The following TRPM3 variants were observed in gnomAD, a reference collection of about 807,000 sequenced individuals.
TRPM3 encodes the protein long transient receptor potential channel 3.
Under a neutral mutation model 181.2 loss-of-function variants are expected in TRPM3, and 77 were observed. The observed-to-expected ratio is 0.42, with a 90% confidence interval of 0.35 to 0.51. TRPM3 has a LOEUF of 0.51. Ranked by LOEUF, TRPM3 falls within the 20% of genes least tolerant of loss-of-function variation. The probability of loss-of-function intolerance (pLI) is 0.01; values close to 1 mark genes in which losing one functional copy is unlikely to be tolerated. For missense variants in TRPM3, 1,759 were observed against 2,196.7 expected, an observed-to-expected ratio of 0.80 and a Z score of 3.98; for synonymous variants, 745 against 796.4, an observed-to-expected ratio of 0.94 and a Z score of 1.09.
chr9:71,239,294 C>T (rs1588094012), intron 1 of TRPM3, among the ~76,000 whole-genome samples: 1 of 152,030 alleles, frequency 6.6e-6, no homozygotes. Flanking sequence ...ATAGTTCCTG[C>T]AATTTAAATA....
chr9:70,626,020 A>G (rs1465363814), intron 12 of TRPM3, among the ~76,000 whole-genome samples: 1 of 152,152 alleles, frequency 6.6e-6, no homozygotes. Context: ...CATTTTTATC[A>G]ATGGAGTATT....
intron 3 of TRPM3, among the ~76,000 whole-genome samples, chr9:70,850,304 A>C (rs1397242788): frequency 6.6e-6 from 1 of 152,168 alleles, no homozygotes; most frequent in African/African-American, 2.4e-5. Context: ...TTCAGGCAGA[A>C]GAGGGGGTAC....
intron 1 of TRPM3, among the ~76,000 whole-genome samples, chr9:71,411,792 C>T (rs1385289117): frequency 6.6e-6 from 1 of 152,162 alleles, no homozygotes; most frequent in Non-Finnish European, 1.5e-5. Flanking sequence ...ATTGCCAAGA[C>T]AATACTAAGC....
intron 1 of TRPM3, among the ~76,000 whole-genome samples, chr9:71,087,774 G>A (rs754138967): frequency 2.6e-5 from 4 of 152,024 alleles, no homozygotes; most frequent in African/African-American, 9.7e-5. Context: ...ACTCTACTGG[G>A]TAGAAAGACT....
chr9:70,610,040 T>TAAAC (rs1318369798), intron 19 of TRPM3, among the ~76,000 whole-genome samples: 1 of 152,236 alleles, frequency 6.6e-6, no homozygotes, highest in African/African-American at 2.4e-5. Flanking sequence ...ATGTGCAAAC[T>TAAAC]AAACAATATT....
chr9:70,657,084 T>A (rs1315521680), intron 9 of TRPM3, among the ~76,000 whole-genome samples: 1 of 151,096 alleles, frequency 6.6e-6, no homozygotes, highest in East Asian at 1.9e-4. Flanking sequence ...ACAATCTGTA[T>A]AAGTCACAAT....
chr9:71,190,596 T>C (rs1020601429), intron 1 of TRPM3, among the ~76,000 whole-genome samples: 72 of 152,052 alleles, frequency 4.7e-4, no homozygotes, highest in African/African-American at 1.7e-3. Context: ...GAATGTTTAA[T>C]TTTGTATAAA....
At chr9:70,938,982 T>C (rs1225527835) in intron 1 of TRPM3, among the ~76,000 whole-genome samples, 1 of 150,760 alleles carries the variant, frequency 6.6e-6, no homozygotes, top group Admixed American at 6.6e-5. Flanking sequence ...AAATAAAAAA[T>C]AAAAAAATAA....
intron 5 of TRPM3, 107 bp downstream of exon 5, chr9:70,842,896 G>T: frequency 9.0e-7 from 1 of 1,105,416 alleles, no homozygotes; most frequent in Non-Finnish European, 1.3e-6. Flanking sequence ...AGTGAGTAGA[G>T]ACCCAAAGAA....
intron 1 of TRPM3, among the ~76,000 whole-genome samples, chr9:71,143,166 T>A (rs949487257): frequency 4.0e-5 from 6 of 151,572 alleles, no homozygotes; most frequent in Admixed American, 2.6e-4. Flanking sequence ...TTTGTTTCCA[T>A]TGGTAGAACT....
rs547533861 is a variant in TRPM3, at chr9:71,106,062, A to C, written c.177+15116T>G. On this transcript the variant is annotated intron_variant, in intron 1 of 25. Transcript: ENST00000677713. ...TTGATGATGTTCTACTGTTCACTTA[A>C]GTAGGATACCTGTTAGCAGCTTTTA... Among the ~76,000 whole-genome samples, 9 of 152,276 alleles carry C rather than the reference A, an allele frequency of 5.9e-5. No homozygotes were observed. The South Asian group carries it at 1.9e-3, about 32-fold the overall frequency.
In TRPM3 at chr9:70,537,197, A is replaced by C. The variant is rs774517793; in HGVS notation, c.3916T>G (p.Tyr1306Asp). The change falls in exon 26 of 26, where the codon TAC becomes GAC. Residue 1306 changes from tyrosine to aspartate, a missense_variant. By Grantham distance (160) the Tyr-to-Asp change is radical. This residue lies in a region of TRPM3 where 612 missense variants were observed against 590.0 expected (regional missense o/e 1.04). Transcript: ENST00000677713. The part of the protein sequence containing the change: ...RTSSDCTDAA[Y>D]IVRQSSFNSQ... ...TTGAAGCTGCTCTGACGGACAATGT[A>C]GGCGGCGTCCGTGCAGTCTGACGAG... is the stretch of plus-strand genomic sequence containing the variant. The C allele has an allele frequency of 1.3e-6, 2 of 1,594,662 alleles. No homozygotes were observed. Among genetic ancestry groups the C allele is most frequent in the Admixed American group, 3.4e-5 (2 of 58,852 alleles).
At chr9:71,201,178 C>CT (rs1368982396) in intron 1 of TRPM3, among the ~76,000 whole-genome samples, 3 of 151,768 alleles carry the variant, frequency 2.0e-5, no homozygotes, top group African/African-American at 7.3e-5. Context: ...AAATTCTTTT[C>CT]TTTAAGAATG....
At chr9:71,095,541 C>G (rs1162375222) in intron 1 of TRPM3, among the ~76,000 whole-genome samples, 1 of 151,970 alleles carries the variant, frequency 6.6e-6, no homozygotes, top group Non-Finnish European at 1.5e-5. Flanking sequence ...GGTGGATCAG[C>G]TGAGGTCAGG....
At chr9:70,759,659 A>G (rs2077724459) in intron 8 of TRPM3, among the ~76,000 whole-genome samples, 1 of 152,252 alleles carries the variant, frequency 6.6e-6, no homozygotes, top group African/African-American at 2.4e-5. Context: ...AGCCATAAAA[A>G]AGGATGAGTT....
At chr9:70,548,343 A>T (rs998689007) in intron 25 of TRPM3, among the ~76,000 whole-genome samples, 3 of 152,190 alleles carry the variant, frequency 2.0e-5, no homozygotes, top group Non-Finnish European at 4.4e-5. Context: ...CTTTATTAGT[A>T]TTGGCTGAGT....
chr9:71,150,662 A>C (rs901884201), intron 1 of TRPM3, among the ~76,000 whole-genome samples: 1 of 152,258 alleles, frequency 6.6e-6, no homozygotes, highest in Admixed American at 6.5e-5. Flanking sequence ...GCCTTCTCCT[A>C]CAACCACAAA....
At chr9:70,617,841 T>G (rs1419976635) in intron 17 of TRPM3, among the ~76,000 whole-genome samples, 4 of 152,162 alleles carry the variant, frequency 2.6e-5, no homozygotes, top group African/African-American at 9.7e-5. Flanking sequence ...GGCTTGTGCC[T>G]ATAATCCCAG....
intron 1 of TRPM3, among the ~76,000 whole-genome samples, chr9:71,421,752 G>A (rs1308527384): frequency 6.6e-6 from 1 of 152,020 alleles, no homozygotes; most frequent in Admixed American, 6.6e-5. Context: ...ATGGGACTGT[G>A]CCGAGTGCTG....
Sources: allele counts gnomAD v4.1 joint callset (sites outside exome capture counted in the v4.1 genomes callset), GRCh38; gene constraint gnomAD v4.1.1; regional missense constraint gnomAD v4.1.1; transcripts MANE v1.5; gene names NCBI Gene and HGNC (gene_info 2026-07-23, HGNC 2026-07-21).